Variants in SND1 observed in about 807,000 individuals in gnomAD.
SND1 encodes the protein staphylococcal nuclease domain-containing protein 1.
SND1 carries 38 observed loss-of-function variants against 121.7 expected under a neutral mutation model. The observed-to-expected ratio is 0.31, with a 90% CI of 0.24 to 0.41. SND1 has a LOEUF of 0.41. Ranked by LOEUF, SND1 falls within the 10% of genes least tolerant of loss-of-function variation. The probability of loss-of-function intolerance (pLI) is 1.00; values close to 1 mark genes in which losing one functional copy is unlikely to be tolerated. For synonymous variants in SND1, 401 were observed against 447.4 expected, an observed-to-expected ratio of 0.90 and a Z score of 1.31; for missense variants, 868 against 1,184.6, an observed-to-expected ratio of 0.73 and a Z score of 3.92.
chr7:128,088,728 C>T (rs1793727168), intron 21 of SND1, among the ~76,000 whole-genome samples: 1 of 151,468 alleles, frequency 6.6e-6, no homozygotes, highest in Non-Finnish European at 1.5e-5. Flanking sequence ...GCTGGGATTA[C>T]AGGCATGAGC....
chr7:127,826,641 T>C (rs566678324), intron 11 of SND1, among the ~76,000 whole-genome samples: 102 of 152,370 alleles, frequency 6.7e-4, no homozygotes, highest in African/African-American at 2.4e-3. Flanking sequence ...TTCTCTCATA[T>C]TAAACCTTAA....
At chr7:128,090,278 C>T (rs540959024) in intron 22 of SND1, among the ~76,000 whole-genome samples, 4 of 152,314 alleles carry the variant, frequency 2.6e-5, no homozygotes, top group East Asian at 3.9e-4. Flanking sequence ...CAGGGCTGAT[C>T]GTGACAATCA....
intron 14 of SND1, among the ~76,000 whole-genome samples, chr7:127,909,528 G>T (rs1334709911): frequency 6.6e-6 from 1 of 151,422 alleles, no homozygotes; most frequent in Non-Finnish European, 1.5e-5. Context: ...CACAGTCATA[G>T]CTCACTGTGG....
chr7:127,914,710 G>A (rs1022544269), intron 14 of SND1, among the ~76,000 whole-genome samples: 3 of 152,168 alleles, frequency 2.0e-5, no homozygotes, highest in Non-Finnish European at 4.4e-5. Context: ...AAGCGGGCTG[G>A]TTAGTAAAAG....
chr7:128,078,125 T>G (rs1046354803), intron 17 of SND1, among the ~76,000 whole-genome samples: 2 of 152,220 alleles, frequency 1.3e-5, no homozygotes, highest in African/African-American at 4.8e-5. Flanking sequence ...AAGGGCAGCC[T>G]GAGCCAAATG....
intron 18 of SND1, among the ~76,000 whole-genome samples, chr7:128,082,883 C>A (rs969004062): frequency 6.6e-6 from 1 of 152,156 alleles, no homozygotes; most frequent in Non-Finnish European, 1.5e-5. Context: ...TCAGAACAAG[C>A]CCCTGAAGTC....
chr7:127,983,836 C>T (rs571206464), intron 15 of SND1, among the ~76,000 whole-genome samples: 174 of 152,246 alleles, frequency 1.1e-3, no homozygotes, highest in African/African-American at 4.1e-3. Context: ...ATAACATTTT[C>T]CCTTCCATTG....
At chr7:127,679,256 C>T (rs756147477) in intron 1 of SND1, 6 of 152,202 alleles carry the variant, frequency 3.9e-5, no homozygotes, top group South Asian at 2.1e-4. Flanking sequence ...TACTTATAGC[C>T]GCTTCTGGGG....
At chr7:127,855,418 T>A (rs1342498517) in intron 12 of SND1, among the ~76,000 whole-genome samples, 3 of 152,176 alleles carry the variant, frequency 2.0e-5, no homozygotes, top group African/African-American at 7.2e-5. Flanking sequence ...CCTGGGTATT[T>A]TTTTAAATGT....
chr7:127,674,710 GA>G (rs556012876), intron 1 of SND1, among the ~76,000 whole-genome samples: 41 of 152,116 alleles, frequency 2.7e-4, no homozygotes, highest in Non-Finnish European at 5.0e-4. Flanking sequence ...TGTTTTTGGA[GA>G]AAAAAAATGC....
intron 10 of SND1, among the ~76,000 whole-genome samples, chr7:127,765,706 G>C (rs771795887): frequency 6.6e-6 from 1 of 152,074 alleles, no homozygotes; most frequent in Non-Finnish European, 1.5e-5. Context: ...GAAGATTAAG[G>C]CCTCCAATTA....
chr7:127,766,602 C>G (rs189196563), intron 10 of SND1, among the ~76,000 whole-genome samples: 262 of 151,208 alleles, frequency 1.7e-3, no homozygotes, highest in African/African-American at 6.1e-3. Flanking sequence ...GGTGAAACCC[C>G]GTCTCTACTA....
At chr7:127,990,871 CA>C in intron 15 of SND1, 75 bp from the exon 16 acceptor site, 1 of 962,130 alleles carries the variant, frequency 1.0e-6, no homozygotes, top group East Asian at 2.6e-5. Flanking sequence ...CTGGAGGTGT[CA>C]GGGGACCGTC....
intron 16 of SND1, among the ~76,000 whole-genome samples, chr7:127,992,329 G>A (rs1802541550): frequency 6.6e-6 from 1 of 152,204 alleles, no homozygotes; most frequent in African/African-American, 2.4e-5. Flanking sequence ...CCCCGTGCAA[G>A]AGAAGTATTT....
At chr7:128,061,122 C>G (rs117503302) in intron 16 of SND1, among the ~76,000 whole-genome samples, 2,233 of 152,282 alleles carry the variant, frequency 0.015, 20 homozygotes, top group Non-Finnish European at 0.025. Flanking sequence ...GGCTGAGGGA[C>G]TACCCGCTGC....
At chr7:127,709,099 G>A (rs1324940585) in intron 9 of SND1, among the ~76,000 whole-genome samples, 1 of 152,120 alleles carries the variant, frequency 6.6e-6, no homozygotes, top group Admixed American at 6.5e-5. Flanking sequence ...ATTCCTTTTG[G>A]TAGGCATGAG....
rs1006645785 is a variant in SND1 at position 128,032,725 on chromosome 7, C to T, written c.1779+41669C>T. Among the ~76,000 whole-genome samples the T allele has an allele frequency of 6.6e-5, 10 of 152,086 alleles. No homozygotes were observed. The East Asian group carries it at 1.9e-3, about 29-fold the overall frequency. On this transcript the variant is annotated intron_variant, in intron 16 of 23. Transcript: ENST00000354725. ...AACTGCGTGGTGGGGACTCGGGGGA[C>T]GGCGGCCGGGGCCACGAGGCTCCCA...
At chr7:127,910,057 T>C (rs1800422872) in intron 14 of SND1, among the ~76,000 whole-genome samples, 1 of 152,232 alleles carries the variant, frequency 6.6e-6, no homozygotes, top group African/African-American at 2.4e-5. Flanking sequence ...TTGAGGTTTC[T>C]GTAGGTGTTA....
At chr7:127,864,816 T>C (rs1000424379) in intron 12 of SND1, among the ~76,000 whole-genome samples, 4 of 152,180 alleles carry the variant, frequency 2.6e-5, no homozygotes, top group Non-Finnish European at 5.9e-5. Context: ...TTCCCACTCC[T>C]GAATAAAATG....
Sources: allele counts gnomAD v4.1 joint callset (sites outside exome capture counted in the v4.1 genomes callset), GRCh38; gene constraint gnomAD v4.1.1; transcripts MANE v1.5; gene names NCBI Gene and HGNC (gene_info 2026-07-23, HGNC 2026-07-21).